The following GRID2 variants were observed in gnomAD, a reference collection of about 807,000 sequenced individuals.
The protein encoded by GRID2 is glutamate ionotropic receptor delta type subunit 2.
A neutral mutation model predicts 114.8 loss-of-function variants in GRID2; 33 were observed. That is an observed-to-expected ratio of 0.29 (90% CI 0.22 to 0.38). The LOEUF is 0.38. GRID2 is among the 10% of genes least tolerant of loss of function. GRID2 has a pLI of 1.00. For synonymous variants in GRID2, 505 were observed against 449.9 expected (o/e 1.12, Z -1.55); for missense variants, 1,184 against 1,257.7 (o/e 0.94, Z 0.89).
At chr4:93,430,695 GA>G (rs1213590581) in intron 10 of GRID2, among the ~76,000 whole-genome samples, 1 of 152,180 alleles carries the variant, frequency 6.6e-6, no homozygotes, top group East Asian at 1.9e-4. Flanking sequence ...GTCTTAATGA[GA>G]AACACAGAGG....
chr4:93,608,110 A>T (rs1394159968), intron 13 of GRID2, among the ~76,000 whole-genome samples: 1 of 149,142 alleles, frequency 6.7e-6, no homozygotes, highest in Non-Finnish European at 1.5e-5. Context: ...ATATATACAC[A>T]CACACATATA....
At chr4:92,423,922 TAAA>T (rs1258103220) in intron 1 of GRID2, among the ~76,000 whole-genome samples, 2 of 151,960 alleles carry the variant, frequency 1.3e-5, no homozygotes, top group Admixed American at 6.6e-5. Flanking sequence ...AATTAAAAAA[TAAA>T]AAAGAGAAAT....
chr4:93,593,344 G>T (rs1284720403), intron 13 of GRID2, among the ~76,000 whole-genome samples: 8 of 138,588 alleles, frequency 5.8e-5, no homozygotes, highest in Admixed American at 2.2e-4. Context: ...GAAATTCTGG[G>T]TTGAAAATTC....
intron 9 of GRID2, among the ~76,000 whole-genome samples, chr4:93,411,941 T>TAA (rs747148973): frequency 1.0e-4 from 14 of 138,706 alleles, no homozygotes; most frequent in African/African-American, 2.9e-4. Flanking sequence ...ATCTCTCTAT[T>TAA]AAAAAAAAAA....
intron 4 of GRID2, among the ~76,000 whole-genome samples, chr4:93,114,244 G>A (rs777517839): frequency 9.9e-5 from 15 of 152,074 alleles, no homozygotes; most frequent in Non-Finnish European, 1.5e-4. Flanking sequence ...TGCTTCAAAG[G>A]TAGACAGAAT....
intron 11 of GRID2, among the ~76,000 whole-genome samples, chr4:93,478,868 C>T (rs1226081706): frequency 6.6e-6 from 1 of 152,062 alleles, no homozygotes; most frequent in Non-Finnish European, 1.5e-5. Flanking sequence ...ATTTCAATTA[C>T]ATGATCTAAT....
At chr4:93,226,934 C>A (rs560503084) in intron 7 of GRID2, among the ~76,000 whole-genome samples, 1 of 152,240 alleles carries the variant, frequency 6.6e-6, no homozygotes, top group Admixed American at 6.5e-5. Flanking sequence ...ACAGCCCAAG[C>A]TTTACCTGGG....
intron 14 of GRID2, among the ~76,000 whole-genome samples, chr4:93,765,769 A>G (rs889391917): frequency 5.9e-5 from 9 of 151,904 alleles, no homozygotes; most frequent in Non-Finnish European, 1.0e-4. Flanking sequence ...TGTAGGCAGT[A>G]ATTAAGTTCC....
chr4:92,356,097 G>A (rs1728306185), intron 1 of GRID2, among the ~76,000 whole-genome samples: 1 of 151,304 alleles, frequency 6.6e-6, no homozygotes, highest in Non-Finnish European at 1.5e-5. Context: ...CTTTTATTGA[G>A]GATATTTCTT....
At chr4:92,911,243 T>G (rs1748355780) in intron 2 of GRID2, among the ~76,000 whole-genome samples, 1 of 152,074 alleles carries the variant, frequency 6.6e-6, no homozygotes, top group African/African-American at 2.4e-5. Context: ...AAATACAAAT[T>G]ATTGTATTTA....
At chr4:92,885,646 G>A (rs1343987771) in intron 2 of GRID2, among the ~76,000 whole-genome samples, 6 of 152,084 alleles carry the variant, frequency 3.9e-5, no homozygotes, top group Admixed American at 6.6e-5. Flanking sequence ...TTATTGTTTG[G>A]GGATTCTTTG....
chr4:93,766,428 G>T (rs998198800), intron 14 of GRID2, among the ~76,000 whole-genome samples: 1 of 152,184 alleles, frequency 6.6e-6, no homozygotes, highest in East Asian at 1.9e-4. Flanking sequence ...TCACAAGAAC[G>T]GCATGAGGGA....
At chr4:92,439,466 T>C (rs36088718) in intron 1 of GRID2, among the ~76,000 whole-genome samples, 2 of 150,966 alleles carry the variant, frequency 1.3e-5, no homozygotes, top group African/African-American at 2.4e-5. Flanking sequence ...GTTGGGGTGG[T>C]GAAAATTTTT....
chr4:92,478,599 A>C (rs1251115627), intron 1 of GRID2, among the ~76,000 whole-genome samples: 1 of 152,124 alleles, frequency 6.6e-6, no homozygotes, highest in Non-Finnish European at 1.5e-5. Flanking sequence ...CATTGAAAAC[A>C]AGTTCTTTAG....
rs956955874 is a variant in GRID2, at chr4:93,382,769, G to C, written c.1246-12838G>C. Among the ~76,000 whole-genome samples, 12 of 151,778 alleles carry C rather than the reference G, an allele frequency of 7.9e-5. 1 individual carries two copies. The highest frequency in any genetic ancestry group is 3.3e-4 in the Admixed American group (5 of 15,194). On this transcript the variant is annotated intron_variant, in intron 8 of 15. Transcript: ENST00000282020. ...CTTATTTTATTTTATTTTTAAATGAGCCATTCTTTCCTGTTTCTTTGGATG... is the reference window on the plus strand; with the variant it reads ...CTTATTTTATTTTATTTTTAAATGACCCATTCTTTCCTGTTTCTTTGGATG...
chr4:92,953,460 C>G, intron 2 of GRID2, among the ~76,000 whole-genome samples: 1 of 152,120 alleles, frequency 6.6e-6, no homozygotes, highest in East Asian at 1.9e-4. Context: ...TCAAATTGAG[C>G]TGAACTCATC....
intron 2 of GRID2, among the ~76,000 whole-genome samples, chr4:92,639,687 C>T (rs935981843): frequency 3.3e-5 from 5 of 151,692 alleles, no homozygotes; most frequent in African/African-American, 9.7e-5. Flanking sequence ...TTCATGGATA[C>T]GACGTGGATT....
chr4:92,632,051 A>C (rs1450773715), intron 2 of GRID2, among the ~76,000 whole-genome samples: 2 of 152,138 alleles, frequency 1.3e-5, no homozygotes, highest in East Asian at 3.9e-4. Context: ...TGTTCTGTCT[A>C]AAATATATTT....
rs1033281138 is a variant in GRID2 at position 92,410,796 on chromosome 4, C to T, written c.88+106052C>T. Among the ~76,000 whole-genome samples the T allele has an allele frequency of 5.4e-5, 8 of 147,462 alleles. 1 individual carries two copies. The highest frequency in any genetic ancestry group is 2.0e-4 in the Admixed American group (3 of 14,750). ...TTTAGAAAGGTAATGTGGTACATAT[C>T]GGTGTAATATTTAACAACCTAAGTA... On this transcript the variant is annotated intron_variant, in intron 1 of 15. Transcript: ENST00000282020.
Sources: allele counts gnomAD v4.1 joint callset (sites outside exome capture counted in the v4.1 genomes callset), GRCh38; gene constraint gnomAD v4.1.1; transcripts MANE v1.5; gene names NCBI Gene and HGNC (gene_info 2026-07-23, HGNC 2026-07-21).